Variants in SLC11A1 observed in about 807,000 individuals in gnomAD.
The protein encoded by SLC11A1 is solute carrier family 11 member 1.
In SLC11A1, 59 loss-of-function variants were observed where a neutral mutation model predicts 63.2. The ratio of observed to expected loss-of-function variants is 0.93; its 90% CI spans 0.76 to 1.16. The LOEUF is 1.16. Ranked by LOEUF, SLC11A1 falls within the 50% of genes most tolerant of loss-of-function variation. The pLI is 0.00. For missense variants in SLC11A1, 688 were observed against 730.7 expected (o/e 0.94, Z 0.67); for synonymous variants, 305 against 307.8 (o/e 0.99, Z 0.09).
At chr2:218,387,119 C>A (rs758410867) in intron 5 of SLC11A1, 41 bp from the exon 6 acceptor site, 11 of 1,588,212 alleles carry the variant, frequency 6.9e-6, no homozygotes, top group Non-Finnish European at 7.8e-6. Context: ...GTTAGAGACC[C>A]CTGGACCAGG....
Position 218,387,920 on chromosome 2 carries a change from C to T in SLC11A1, c.760C>T (p.Pro254Ser), listed in dbSNP as rs1415977421. 1 of 1,610,430 alleles carries T rather than the reference C, an allele frequency of 6.2e-7. No homozygotes were observed. The highest frequency in any genetic ancestry group is 1.7e-5 in the Admixed American group (1 of 59,386). Residue 254 changes from proline to serine, a missense_variant, in exon 8 of 15, where the codon CCC (proline) becomes TCC (serine). By Grantham distance (74) the Pro-to-Ser change is moderately conservative (BLOSUM62 -1). Coordinates refer to ENST00000233202, the MANE Select transcript of SLC11A1 (RefSeq NM_000578.4). ...AVGIVGAIIMPHNIYLHSALV... is the reference protein window; with the variant it reads ...AVGIVGAIIMSHNIYLHSALV... ...GGGCATTGTTGGCGCCATCATCATGCCCCACAACATCTACCTGCACTCGGC... is the reference window on the plus strand; with the variant it reads ...GGGCATTGTTGGCGCCATCATCATGTCCCACAACATCTACCTGCACTCGGC...
At chr2:218,392,477 G>A (rs1226347816) in intron 11 of SLC11A1, 2 of 156,914 alleles carry the variant, frequency 1.3e-5, no homozygotes, top group Non-Finnish European at 2.8e-5. Flanking sequence ...TGGGACTACA[G>A]GCTCATGCCA....
intron 4 of SLC11A1, 56 bp from the exon 5 acceptor site, chr2:218,386,579 A>G: frequency 8.0e-7 from 1 of 1,247,184 alleles, no homozygotes; most frequent in Non-Finnish European, 1.2e-6. Flanking sequence ...ATGTAGTCTG[A>G]GACGACAGGC....
intron 14 of SLC11A1, 57 bp from the exon 15 acceptor site, chr2:218,394,868 A>G (rs775111307): frequency 4.4e-6 from 7 of 1,605,510 alleles, no homozygotes; most frequent in Non-Finnish European, 5.1e-6. Flanking sequence ...GGGGGACACA[A>G]TGGGGCTTCC....
chr2:218,385,216 G>T lies in SLC11A1; in HGVS notation c.343G>T (p.Val115Leu), dbSNP rs750961294. 1 of 1,614,092 alleles carries T rather than the reference G, an allele frequency of 6.2e-7. No homozygotes were observed. Among genetic ancestry groups the T allele is most frequent in the Non-Finnish European group, 8.5e-7 (1 of 1,179,942 alleles). Residue 115 changes from valine to leucine, a missense_variant, in exon 4 of 15, where the codon GTG becomes TTG. Transcript: ENST00000233202. ...CCAGCGACTGGCTGCACGTCTGGGC[G>T]TGGTGACAGGCAAGGACTTGGGCGA... Reference protein sequence around the residue: ...LCQRLAARLGVVTGKDLGEVC... With the variant: ...LCQRLAARLGLVTGKDLGEVC...
At chr2:218,393,230 C>A (rs879688557) in intron 12 of SLC11A1, 100 bp downstream of exon 12, 20 of 1,222,730 alleles carry the variant, frequency 1.6e-5, no homozygotes, top group Middle Eastern at 5.7e-4. Context: ...CAGGCCCTGT[C>A]CCAGGCACAT....
Position 218,395,165 on chromosome 2 carries a change from G to C in SLC11A1, c.*130G>C, listed in dbSNP as rs761682829. ...GACCAGCCAACCTGGGGGCTTTAGG[G>C]ACCTGCTGTTTCCTAGCGCAGCCAT... On this transcript the variant is annotated 3_prime_UTR_variant, in exon 15 of 15. Transcript: ENST00000233202. 6.0e-6 allele frequency: 4 copies of C among 669,220 alleles called. No homozygotes were observed. Among genetic ancestry groups the C allele is most frequent in the Non-Finnish European group, 1.0e-5 (4 of 388,464 alleles). The allele number at this position is 669,220 out of a possible 1,614,324, so 41.5% of individuals were successfully genotyped here.
At chr2:218,392,739 A>G (rs1696522918) in intron 11 of SLC11A1, 2 of 449,396 alleles carry the variant, frequency 4.5e-6, no homozygotes, top group Non-Finnish European at 3.9e-6. Flanking sequence ...CTGCAGACCC[A>G]GGACTAACAG....
At chr2:218,387,292 G>A in intron 6 of SLC11A1, 62 bp downstream of exon 6, 1 of 1,487,450 alleles carries the variant, frequency 6.7e-7, no homozygotes, top group Non-Finnish European at 9.2e-7. Context: ...CTGGGAGAAG[G>A]GCTCTGACAT....
Position 218,386,664 on chromosome 2 carries a change from C to G in SLC11A1, c.423C>G (p.Ile141Met). ...CCCGCACCGTCCTCTGGCTGACCAT[C>G]GAGCTAGCCATTGTGGGCTCCGACA... The part of the protein sequence containing the change: ...KVPRTVLWLT[I>M]ELAIVGSDMQ... The change falls in exon 5 of 15, where the codon ATC becomes ATG. Residue 141 changes from isoleucine to methionine, a missense_variant. By Grantham distance (10) the Ile-to-Met change is conservative (BLOSUM62 1). Coordinates refer to ENST00000233202, the MANE Select transcript of SLC11A1 (RefSeq NM_000578.4). 1 of 1,614,008 alleles carries G rather than the reference C, an allele frequency of 6.2e-7. No individual in the cohort carries two copies. Among genetic ancestry groups the G allele is most frequent in the Non-Finnish European group, 8.5e-7 (1 of 1,179,960 alleles).
At chr2:218,387,369 A>T in intron 6 of SLC11A1, 139 bp downstream of exon 6, 1 of 990,106 alleles carries the variant, frequency 1.0e-6, no homozygotes, top group Non-Finnish European at 1.5e-6. Flanking sequence ...AGTTACTTGG[A>T]CGTGCCTCTC....
Position 218,383,098 on chromosome 2 carries a change from A to G in SLC11A1, c.146A>G (p.Lys49Arg), listed in dbSNP as rs745451664. 6.2e-7 allele frequency: 1 copy of G among 1,613,572 alleles called. No homozygotes were observed. The highest frequency in any genetic ancestry group is 2.2e-5 in the East Asian group (1 of 44,854). Residue 49 changes from lysine to arginine, a missense_variant, in exon 2 of 15, where the codon AAA (lysine) becomes AGA (arginine). By Grantham distance (26) the Lys-to-Arg change is conservative. Coordinates refer to ENST00000233202, the MANE Select transcript of SLC11A1 (RefSeq NM_000578.4). ...GAGAAGATCCCCATCCCAGACACAA[A>G]ACCGGTGGGATGCTGGAAACTTCCT... ...LSEKIPIPDT[K>R]PGTFSLRKLW...
In SLC11A1 at chr2:218,394,581, A is replaced by C. The variant is rs369731313; in HGVS notation, c.1389-51A>C. 1.9e-4 allele frequency: 305 copies of C among 1,589,030 alleles called. 1 individual carries two copies. The highest frequency in any genetic ancestry group is 2.5e-4 in the Non-Finnish European group (291 of 1,165,262). ...CTGGGAGATGAAGAGGAGTTGATGCAGGTGGGCCAGCAGCAACCAGCCAGT... is the reference window on the plus strand; with the variant it reads ...CTGGGAGATGAAGAGGAGTTGATGCCGGTGGGCCAGCAGCAACCAGCCAGT... On this transcript the variant is annotated intron_variant, in intron 13 of 14. Coordinates refer to ENST00000233202, the MANE Select transcript of SLC11A1 (RefSeq NM_000578.4).
Position 218,387,826 on chromosome 2 carries a change from A to AGC in SLC11A1, c.669_670dup (p.Leu224ArgfsTer47). 2 of 1,605,286 alleles carry AGC rather than the reference A, an allele frequency of 1.2e-6. No homozygotes were observed. The highest frequency in any genetic ancestry group is 1.7e-6 in the Non-Finnish European group (2 of 1,176,106). ...ATGTGGTGGCGCGTCCTGAGCAGGG[A>AGC]GCGCTTCTTCGGGGCCTGTTCCTGC... On this transcript the variant is annotated frameshift_variant, in exon 8 of 15. Transcript: ENST00000233202. LOFTEE classifies it high-confidence loss of function.
At chr2:218,387,254 G>A (rs762946750) in intron 6 of SLC11A1, 24 bp downstream of exon 6, 1 of 1,598,434 alleles carries the variant, frequency 6.3e-7, no homozygotes, top group Non-Finnish European at 8.6e-7. Flanking sequence ...CCACCTCATA[G>A]GGGAGTGGTG....
In SLC11A1 at chr2:218,390,467, T is replaced by C. The variant is rs756824621; in HGVS notation, c.954+439T>C. On this transcript the variant is annotated intron_variant, in intron 9 of 14. Coordinates refer to ENST00000233202, the MANE Select transcript of SLC11A1 (RefSeq NM_000578.4). Reference sequence around the variant, plus strand: ...ACTAGCCAGCTCCTCCCTGACTCTCTGGGATCTGGGACCTGTGTCTGTCTC... The same window carrying C: ...ACTAGCCAGCTCCTCCCTGACTCTCCGGGATCTGGGACCTGTGTCTGTCTC... Among the ~76,000 whole-genome samples the C allele has an allele frequency of 1.2e-4, 18 of 152,328 alleles. 1 individual carries two copies. The highest frequency in any genetic ancestry group is 3.3e-4 in the Admixed American group (5 of 15,290).
chr2:218,386,566 C>T (rs909395375), intron 4 of SLC11A1, 69 bp from the exon 5 acceptor site: 2 of 1,084,858 alleles, frequency 1.8e-6, no homozygotes, highest in African/African-American at 1.6e-5. Flanking sequence ...AGACGACAGA[C>T]AAATGTAGTC....
intron 9 of SLC11A1, among the ~76,000 whole-genome samples, chr2:218,390,347 A>G (rs1696355290): frequency 1.3e-5 from 2 of 151,500 alleles, no homozygotes; most frequent in Admixed American, 1.3e-4. Context: ...GTGAAGAAGC[A>G]TAGTTGGGGG....
intron 8 of SLC11A1, 117 bp downstream of exon 8, chr2:218,388,072 T>A: frequency 7.8e-7 from 1 of 1,276,036 alleles, no homozygotes; most frequent in Non-Finnish European, 1.1e-6. Context: ...GCGGAGCCTG[T>A]AATAATTGAG....
Sources: allele counts gnomAD v4.1 joint callset (sites outside exome capture counted in the v4.1 genomes callset), GRCh38; gene constraint gnomAD v4.1.1; transcripts MANE v1.5; gene names NCBI Gene and HGNC (gene_info 2026-07-23, HGNC 2026-07-21).